The following SLCO1B1 variants were observed in gnomAD, a reference collection of about 807,000 sequenced individuals.
The protein encoded by SLCO1B1 is OATP-2.
A neutral mutation model predicts 70.1 loss-of-function variants in SLCO1B1; 81 were observed. The observed-to-expected ratio is 1.16, with a 90% CI of 0.97 to 1.39. SLCO1B1 has a LOEUF of 1.39. Among genes scored for constraint, SLCO1B1 ranks in the 40% most tolerant of loss-of-function variants. SLCO1B1 has a pLI of 0.00. For missense variants in SLCO1B1, 895 were observed against 799.6 expected, an observed-to-expected ratio of 1.12 and a Z score of -1.44; for synonymous variants, 283 against 271.5, an observed-to-expected ratio of 1.04 and a Z score of -0.42.
At chr12:21,174,895 A>G (rs1396414517) in intron 4 of SLCO1B1, among the ~76,000 whole-genome samples, 186 bp downstream of exon 4, 3 of 152,114 alleles carry the variant, frequency 2.0e-5, no homozygotes, top group Non-Finnish European at 2.9e-5. Context: ...GCTTTCATAT[A>G]CTTTGAAATA....
chr12:21,151,953 C>T (rs998957415), intron 2 of SLCO1B1, among the ~76,000 whole-genome samples: 2 of 151,808 alleles, frequency 1.3e-5, no homozygotes, highest in South Asian at 2.1e-4. Context: ...GGGAAATTCT[C>T]GGTTGTTATT....
In SLCO1B1 at chr12:21,236,411, G is replaced by A. The variant is rs139664612; in HGVS notation, c.1866-2568G>A. ...AAGATGGAGAATCCTCAGGCAGGGC[G>A]GTGGCATACCATAGATGCACCAACA... On this transcript the variant is annotated intron_variant, in intron 14 of 14. Transcript: ENST00000256958. 6.6e-5 allele frequency among the ~76,000 whole-genome samples: 10 copies of A among 152,216 alleles called. No individual in the cohort carries two copies. In the East Asian group the frequency reaches 1.7e-3, roughly 26 times the overall value.
At chr12:21,154,651 T>C (rs1429785035) in intron 2 of SLCO1B1, among the ~76,000 whole-genome samples, 1 of 152,088 alleles carries the variant, frequency 6.6e-6, no homozygotes, top group African/African-American at 2.4e-5. Flanking sequence ...TTTACCTCCT[T>C]TCCTGTTTTT....
intron 2 of SLCO1B1, among the ~76,000 whole-genome samples, chr12:21,162,758 G>C (rs776558337): frequency 1.3e-5 from 2 of 151,908 alleles, no homozygotes; most frequent in African/African-American, 2.4e-5. Flanking sequence ...ATTCTTATTT[G>C]TATAATGAAG....
At chr12:21,226,223 G>A (rs1941481076) in intron 14 of SLCO1B1, among the ~76,000 whole-genome samples, 1 of 152,066 alleles carries the variant, frequency 6.6e-6, no homozygotes, top group Admixed American at 6.6e-5. Flanking sequence ...AGACCAGCCT[G>A]GACAACATGA....
intron 2 of SLCO1B1, among the ~76,000 whole-genome samples, chr12:21,152,271 G>A (rs1940481081): frequency 6.6e-6 from 1 of 151,564 alleles, no homozygotes; most frequent in Admixed American, 6.6e-5. Flanking sequence ...CTCTGTTCTT[G>A]TGTGCTTCTT....
chr12:21,145,168 A>G (rs980193151), intron 2 of SLCO1B1, among the ~76,000 whole-genome samples: 6 of 152,204 alleles, frequency 3.9e-5, no homozygotes, highest in African/African-American at 9.6e-5. Context: ...TTCATGACTC[A>G]TGTATCATGA....
intron 1 of SLCO1B1, among the ~76,000 whole-genome samples, chr12:21,137,487 G>C (rs537000385): frequency 2.0e-5 from 3 of 152,148 alleles, no homozygotes; most frequent in Admixed American, 6.5e-5. Context: ...CACCCAGTTC[G>C]AGCTTCCCAG....
At chr12:21,213,059 T>C (rs1006772612) in intron 11 of SLCO1B1, among the ~76,000 whole-genome samples, 11 of 151,918 alleles carry the variant, frequency 7.2e-5, no homozygotes, top group African/African-American at 2.7e-4. Context: ...ATTTAGTCCA[T>C]TTACATTTAA....
chr12:21,220,256 A>G (rs979615949), intron 12 of SLCO1B1, among the ~76,000 whole-genome samples: 4 of 152,204 alleles, frequency 2.6e-5, no homozygotes, highest in African/African-American at 9.6e-5. Context: ...TTCTATCTCT[A>G]TAAAGCTGAG....
intron 2 of SLCO1B1, among the ~76,000 whole-genome samples, chr12:21,154,407 T>C (rs1029918033): frequency 2.0e-5 from 3 of 152,140 alleles, no homozygotes; most frequent in Non-Finnish European, 4.4e-5. Context: ...ACCAAATATG[T>C]TGGTGTCTTG....
chr12:21,222,425 T>TAC (rs1184981836), intron 13 of SLCO1B1, 61 bp downstream of exon 13: 2 of 123,814 alleles, frequency 1.6e-5, no homozygotes, highest in African/African-American at 9.6e-5. Context: ...TATATATATA[T>TAC]ATACACACAC....
intron 2 of SLCO1B1, among the ~76,000 whole-genome samples, chr12:21,161,551 G>A (rs6487211): frequency 0.99 from 151,247 of 152,280 alleles, 75,121 homozygotes; most frequent in East Asian, 1. Flanking sequence ...AGAAGCAGAA[G>A]AAATAACTAT....
chr12:21,135,863 T>C (rs1314873601), intron 1 of SLCO1B1, among the ~76,000 whole-genome samples: 1 of 152,210 alleles, frequency 6.6e-6, no homozygotes, highest in Admixed American at 6.5e-5. Flanking sequence ...ATGTGTGAAT[T>C]TGATCCTGTC....
intron 1 of SLCO1B1, among the ~76,000 whole-genome samples, chr12:21,137,054 G>A (rs536030501): frequency 1.5e-4 from 23 of 152,310 alleles, no homozygotes; most frequent in African/African-American, 5.3e-4. Flanking sequence ...CTAACAGACA[G>A]GACCCTCAGC....
chr12:21,202,020 T>C (rs1941164276), intron 9 of SLCO1B1, among the ~76,000 whole-genome samples: 1 of 152,146 alleles, frequency 6.6e-6, no homozygotes, highest in Admixed American at 6.6e-5. Flanking sequence ...CATGGAATAC[T>C]ATGCAGCCAT....
intron 7 of SLCO1B1, among the ~76,000 whole-genome samples, chr12:21,190,732 C>T (rs905585922): frequency 6.6e-6 from 1 of 152,078 alleles, no homozygotes; most frequent in African/African-American, 2.4e-5. Context: ...TTTGTATCTT[C>T]ATGGCTTAGC....
chr12:21,207,950 AGT>A (rs898622155), intron 11 of SLCO1B1, among the ~76,000 whole-genome samples: 1 of 151,946 alleles, frequency 6.6e-6, no homozygotes, highest in Non-Finnish European at 1.5e-5. Flanking sequence ...TCTTTTGAGA[AGT>A]GTCTGTTCAT....
rs117630026 is a variant in SLCO1B1, at chr12:21,168,523, C to T, written c.85-4127C>T. On this transcript the variant is annotated intron_variant, in intron 2 of 14. Coordinates refer to ENST00000256958, the MANE Select transcript of SLCO1B1 (RefSeq NM_006446.5). ...ACCATTTTATATTTCCATCAACAAACATGAAGTTCCTAACTTCTCTTACTC... is the reference window on the plus strand; with the variant it reads ...ACCATTTTATATTTCCATCAACAAATATGAAGTTCCTAACTTCTCTTACTC... 1.6e-3 allele frequency among the ~76,000 whole-genome samples: 245 copies of T among 152,288 alleles called. 3 individuals are homozygous for T. The East Asian group carries it at 0.033, about 20-fold the overall frequency.
Sources: allele counts gnomAD v4.1 joint callset (sites outside exome capture counted in the v4.1 genomes callset), GRCh38; gene constraint gnomAD v4.1.1; transcripts MANE v1.5; gene names NCBI Gene and HGNC (gene_info 2026-07-23, HGNC 2026-07-21).